Variants in ABHD18 observed in about 807,000 individuals in gnomAD.
ABHD18 encodes the protein abhydrolase domain containing 18, also known as cardiolipin-specific deacylase, mitochondrial.
In ABHD18, 55 loss-of-function variants were observed where a neutral mutation model predicts 65.9. That is an observed-to-expected ratio of 0.84 (90% confidence interval 0.67 to 1.05). The LOEUF (loss-of-function observed/expected upper bound fraction) is 1.05, where lower values mean the gene tolerates loss of function less well. Ranked by LOEUF, ABHD18 falls within the 50% of genes least tolerant of loss-of-function variation. ABHD18 has a pLI of 0.00. For synonymous variants in ABHD18, 181 were observed against 180.2 expected, an observed-to-expected ratio of 1.00 and a Z score of -0.04; for missense variants, 533 against 558.5, an observed-to-expected ratio of 0.95 and a Z score of 0.46.
chr4:127,971,576 T>A (rs1292568314), intron 1 of ABHD18, among the ~76,000 whole-genome samples: 2 of 138,678 alleles, frequency 1.4e-5, no homozygotes, highest in Non-Finnish European at 3.1e-5. Flanking sequence ...CTGCAACCTC[T>A]GCCTCCCTGG....
In ABHD18 at chr4:128,030,029, C is replaced by G. The variant is rs1169655547; in HGVS notation, c.1181-481C>G. Among the ~76,000 whole-genome samples the G allele has an allele frequency of 3.3e-5, 5 of 152,152 alleles. No homozygotes were observed. The East Asian group carries it at 7.7e-4, about 24-fold the overall frequency. ...GGATTGCTGAGTGTGGTGGCATTCA[C>G]CTGTAGTCCCAGCTACTCAGGAAGT... is the stretch of plus-strand genomic sequence containing the variant. On this transcript the variant is annotated intron_variant, in intron 11 of 12. Transcript: ENST00000645843.
chr4:127,978,031 A>G (rs1748297324), intron 1 of ABHD18, among the ~76,000 whole-genome samples: 1 of 152,148 alleles, frequency 6.6e-6, no homozygotes, highest in Non-Finnish European at 1.5e-5. Context: ...CTATTAAATA[A>G]TTACATTGCC....
rs935805105 is a variant in ABHD18 at position 128,013,825 on chromosome 4, G to A, written c.470+2125G>A. Among the ~76,000 whole-genome samples the A allele has an allele frequency of 7.9e-5, 12 of 152,278 alleles. No individual in the cohort carries two copies. The East Asian group carries it at 2.3e-3, about 29-fold the overall frequency. ...TAGATTTGGAAGTCCCATGTTCTATGTGGTCATAGCATGAAAGAGGTATAG... is the reference window on the plus strand; with the variant it reads ...TAGATTTGGAAGTCCCATGTTCTATATGGTCATAGCATGAAAGAGGTATAG... On this transcript the variant is annotated intron_variant, in intron 7 of 12. Coordinates refer to ENST00000645843, the MANE Select transcript of ABHD18 (RefSeq NM_001358451.3).
chr4:127,976,865 C>G (rs1343546022), intron 1 of ABHD18, among the ~76,000 whole-genome samples: 3 of 152,060 alleles, frequency 2.0e-5, no homozygotes, highest in Non-Finnish European at 4.4e-5. Context: ...CACGCTGAAA[C>G]CCCGTCTCTA....
chr4:127,991,183 T>TGTTTTGTTTC lies in ABHD18; in HGVS notation c.278+1372_278+1381dup, dbSNP rs1279180688. ...CGGCCACTGTTAATGATTTGTGTTT[T>TGTTTTGTTTC]GTTTTGTTTCGTTTTGTTTTGTTTT... On this transcript the variant is annotated intron_variant, in intron 4 of 12. Coordinates refer to ENST00000645843, the MANE Select transcript of ABHD18 (RefSeq NM_001358451.3). Among the ~76,000 whole-genome samples, 3 of 151,998 alleles carry TGTTTTGTTTC rather than the reference T, an allele frequency of 2.0e-5. No individual in the cohort carries two copies. The East Asian group carries it at 5.8e-4, about 29-fold the overall frequency.
At chr4:128,017,315 A>G in intron 7 of ABHD18, 48 bp from the exon 8 acceptor site, 1 of 1,579,450 alleles carries the variant, frequency 6.3e-7, no homozygotes, top group Non-Finnish European at 8.6e-7. Flanking sequence ...ATATATTAGC[A>G]TGTAAATACA....
intron 10 of ABHD18, among the ~76,000 whole-genome samples, chr4:128,027,640 G>A (rs1757579464): frequency 6.6e-6 from 1 of 151,984 alleles, no homozygotes; most frequent in African/African-American, 2.4e-5. Context: ...TCCTGACCTC[G>A]TGATCCGCCT....
At chr4:127,992,154 C>T (rs1751022245) in intron 4 of ABHD18, among the ~76,000 whole-genome samples, 1 of 151,962 alleles carries the variant, frequency 6.6e-6, no homozygotes, top group South Asian at 2.1e-4. Context: ...TAACACTTAT[C>T]TGGTAGGGTT....
chr4:128,027,625 C>A (rs1333745381), intron 10 of ABHD18, among the ~76,000 whole-genome samples: 2 of 151,680 alleles, frequency 1.3e-5, no homozygotes, highest in African/African-American at 2.4e-5. Context: ...AGGATGGTGT[C>A]GATCTCCTGA....
intron 1 of ABHD18, among the ~76,000 whole-genome samples, chr4:127,973,565 TC>T (rs1323690756): frequency 6.6e-6 from 1 of 152,110 alleles, no homozygotes; most frequent in African/African-American, 2.4e-5. Context: ...TTTTGTGTGA[TC>T]CCCTTCCTTG....
rs996319741 is a variant in ABHD18, at chr4:128,037,509, T to A, written c.*1696T>A. 6.6e-6 allele frequency: 1 copy of A among 152,064 alleles called. No homozygotes were observed. The highest frequency in any genetic ancestry group is 1.5e-5 in the Non-Finnish European group (1 of 68,018). 9.4% of individuals were successfully genotyped at this position (152,064 alleles called of 1,614,324 possible). ...CCCGCCACCATGCCTGGCTAATTTT[T>A]GTATTTTTAATAGACACGAGGTTTC... On this transcript the variant is annotated 3_prime_UTR_variant, in exon 13 of 13. Coordinates refer to ENST00000645843, the MANE Select transcript of ABHD18 (RefSeq NM_001358451.3).
rs1458062993 is a variant in ABHD18, at chr4:128,009,171, T to C, written c.422T>C (p.Leu141Ser). 4.0e-6 allele frequency: 6 copies of C among 1,515,560 alleles called. No homozygotes were observed. The highest frequency in any genetic ancestry group is 5.2e-6 in the Non-Finnish European group (6 of 1,144,908). 93.9% of individuals were successfully genotyped at this position (1,515,560 alleles called of 1,614,324 possible). A position where few individuals can be genotyped will look rare whatever the true frequency, so the allele number is the denominator to read the frequency against. Residue 141 changes from leucine to serine, a missense_variant, in exon 6 of 13, where the codon TTA becomes TCA. Physicochemically the swap from Leu to Ser is moderately radical, Grantham distance 145. This residue lies in a region of ABHD18 where 309 missense variants were observed against 313.5 expected (regional missense o/e 0.99). Transcript: ENST00000645843. ...ATTAAAGAAGCCCGAATGGCTTCTT[T>C]ATTGTTAGAAAACCCTTATTATATC... ...PMIKEARMAS[L>S]LLENPYYGCR...
chr4:127,984,504 TAAC>T (rs758024254), intron 3 of ABHD18, 81 bp downstream of exon 3: 133 of 720,154 alleles, frequency 1.8e-4, no homozygotes, highest in Non-Finnish European at 2.5e-4. Flanking sequence ...TATTGGAGTA[TAAC>T]AACAATAAAC....
Position 128,020,182 on chromosome 4 carries a change from T to C in ABHD18, c.699+13T>C. The stretch of plus-strand genomic sequence containing the variant: ...GGTCTTCACTACGGTAATTTAATTG[T>C]AATTAATATTAGGTAGCTATATATA... On this transcript the variant is annotated intron_variant, in intron 9 of 12. Transcript: ENST00000645843. 6.3e-7 allele frequency: 1 copy of C among 1,588,196 alleles called. No homozygotes were observed. Among genetic ancestry groups the C allele is most frequent in the Non-Finnish European group, 8.6e-7 (1 of 1,158,662 alleles).
At chr4:128,013,914 A>G (rs59984114) in intron 7 of ABHD18, among the ~76,000 whole-genome samples, 4,485 of 151,928 alleles carry the variant, frequency 0.03, 286 homozygotes, top group East Asian at 0.26. Flanking sequence ...GATAGTTTAT[A>G]ATGAACTTTG....
At chr4:128,013,123 A>C (rs1358722975) in intron 7 of ABHD18, among the ~76,000 whole-genome samples, 1 of 151,536 alleles carries the variant, frequency 6.6e-6, no homozygotes, top group Non-Finnish European at 1.5e-5. Context: ...TCATGCTTTC[A>C]ATGTGAATGA....
chr4:128,030,498 T>A lies in ABHD18; in HGVS notation c.1181-12T>A, dbSNP rs1277260723. 7.3e-6 allele frequency: 11 copies of A among 1,509,640 alleles called. No individual in the cohort carries two copies. The highest frequency in any genetic ancestry group is 4.9e-5 in the East Asian group (2 of 40,536). The allele number at this position is 1,509,640 out of a possible 1,614,324, so 93.5% of individuals were successfully genotyped here. Reference sequence around the variant, plus strand: ...TGTGTATATGTTGAATTTTTAAAAATCCTATACCTAGTCCCAGTTGATCCA... The same window carrying A: ...TGTGTATATGTTGAATTTTTAAAAAACCTATACCTAGTCCCAGTTGATCCA... On this transcript the variant is annotated splice_polypyrimidine_tract_variant and intron_variant, in intron 11 of 12. Transcript: ENST00000645843.
At chr4:128,022,328 ATT>A (rs1377872200) in intron 10 of ABHD18, among the ~76,000 whole-genome samples, 1 of 152,182 alleles carries the variant, frequency 6.6e-6, no homozygotes, top group Non-Finnish European at 1.5e-5. Context: ...AATTTAGGTT[ATT>A]TGACCTGTAG....
At chr4:127,987,333 C>T (rs1750143159) in intron 3 of ABHD18, among the ~76,000 whole-genome samples, 2 of 151,708 alleles carry the variant, frequency 1.3e-5, no homozygotes, top group Non-Finnish European at 2.9e-5. Flanking sequence ...GTCTTGGCAA[C>T]AGAGTGAGAC....
Sources: gnomAD v4.1 joint callset for allele counts (sites outside exome capture counted in the v4.1 genomes callset) on GRCh38, gnomAD v4.1.1 for gene constraint, gnomAD v4.1.1 regional missense constraint, MANE v1.5 for transcripts, NCBI Gene and HGNC (gene_info 2026-07-23, HGNC 2026-07-21) for gene names.